SCAPER: variants seen among roughly 807,000 people sequenced by gnomAD.
The protein encoded by SCAPER is S-phase cyclin A associated protein in the ER.
SCAPER carries 98 observed loss-of-function variants against 182.2 expected under a neutral mutation model. The ratio of observed to expected loss-of-function variants is 0.54; its 90% CI spans 0.46 to 0.64. The LOEUF (loss-of-function observed/expected upper bound fraction) is 0.64, where lower values mean the gene tolerates loss of function less well. Among genes scored for constraint, SCAPER ranks in the 30% least tolerant of loss-of-function variants. SCAPER has a pLI of 0.00. For missense variants in SCAPER, 1,432 were observed against 1,690.0 expected (o/e 0.85, Z 2.68); for synonymous variants, 605 against 564.6 (o/e 1.07, Z -1.01).
In SCAPER at chr15:76,682,902, AC is replaced by A. The variant is rs1456596931; in HGVS notation, c.2509-17114del. On this transcript the variant is annotated intron_variant, in intron 20 of 31. Transcript: ENST00000563290. ...ACCAAATAAGATTAAAAACAAAACG[AC>A]CCCATCCAAAGCACAGCAACTTCAA... 2.6e-5 allele frequency among the ~76,000 whole-genome samples: 4 copies of A among 151,988 alleles called. No individual in the cohort carries two copies. In the East Asian group the frequency reaches 7.7e-4, roughly 29 times the overall value.
chr15:76,517,393 AGGCT>A (rs1258902805), intron 23 of SCAPER, among the ~76,000 whole-genome samples: 1 of 148,554 alleles, frequency 6.7e-6, no homozygotes, highest in African/African-American at 2.5e-5. Context: ...TCTGTCACCC[AGGCT>A]GGAGTGCAGT....
chr15:76,368,535 G>A (rs912724839), intron 29 of SCAPER, among the ~76,000 whole-genome samples: 2 of 152,166 alleles, frequency 1.3e-5, no homozygotes, highest in Non-Finnish European at 2.9e-5. Flanking sequence ...CACGAGCTTC[G>A]CTGTCCAACT....
At chr15:76,533,511 C>G (rs563841507) in intron 23 of SCAPER, among the ~76,000 whole-genome samples, 1 of 152,010 alleles carries the variant, frequency 6.6e-6, no homozygotes, top group East Asian at 1.9e-4. Flanking sequence ...ATGTGTGAAG[C>G]AGGCTATACC....
At chr15:76,468,519 G>A (rs567865555) in intron 25 of SCAPER, among the ~76,000 whole-genome samples, 1 of 152,220 alleles carries the variant, frequency 6.6e-6, no homozygotes, top group East Asian at 1.9e-4. Flanking sequence ...AGGGAACTAG[G>A]CTTTCAAAGA....
chr15:76,898,291 A>G (rs1214055935), intron 1 of SCAPER, among the ~76,000 whole-genome samples: 1 of 152,216 alleles, frequency 6.6e-6, no homozygotes, highest in Non-Finnish European at 1.5e-5. Context: ...ATCCTGACAC[A>G]CTGCAGTGGA....
chr15:76,685,328 A>T (rs1293726158), intron 20 of SCAPER, among the ~76,000 whole-genome samples: 1 of 152,082 alleles, frequency 6.6e-6, no homozygotes, highest in East Asian at 1.9e-4. Context: ...GATTTAAAAA[A>T]AAAAAAGTAA....
rs146198209 is a variant in SCAPER, at chr15:76,352,615, G to A, written c.4048-1327C>T. Among the ~76,000 whole-genome samples, 1,251 of 151,640 alleles carry A rather than the reference G, an allele frequency of 8.2e-3. 12 individuals carry two copies. The highest frequency in any genetic ancestry group is 0.029 in the African/African-American group (1,191 of 41,318). On this transcript the variant is annotated intron_variant, in intron 30 of 31. Transcript: ENST00000563290. ...TCCTGCCTCAGCCTCCCGAGTAGCT[G>A]GGATTACAGGTGCCCACAGAGACGG...
chr15:76,348,901 A>G (rs1217100177), intron 31 of SCAPER, 165 bp from the exon 32 acceptor site: 2 of 515,842 alleles, frequency 3.9e-6, no homozygotes, highest in Non-Finnish European at 7.0e-6. Flanking sequence ...TATATGTATC[A>G]ATCTATCTGT....
chr15:76,857,678 T>G, intron 4 of SCAPER, 131 bp downstream of exon 4: 4 of 634,512 alleles, frequency 6.3e-6, no homozygotes, highest in Non-Finnish European at 1.0e-5. Context: ...ACATTTGTTT[T>G]TAAAAAGTAC....
At position 76,699,852 on chromosome 15, in the gene SCAPER, A is replaced by AT. The variant is rs36061994; in HGVS notation, c.2508+1905_2508+1906insA. 8.1e-3 allele frequency among the ~76,000 whole-genome samples: 1,241 copies of AT among 152,314 alleles called. 13 individuals are homozygous for AT. The highest frequency in any genetic ancestry group is 0.028 in the African/African-American group (1,177 of 41,578). On this transcript the variant is annotated intron_variant, in intron 20 of 31. Coordinates refer to ENST00000563290, the MANE Select transcript of SCAPER (RefSeq NM_020843.4). ...CAGTTGCAGCTGGCAGAGTGTGAAC[A>AT]GTATTCGCACACTGGTGATGGCAGG...
intron 25 of SCAPER, among the ~76,000 whole-genome samples, chr15:76,455,437 A>T (rs1413270623): frequency 6.6e-6 from 1 of 152,132 alleles, no homozygotes; most frequent in Non-Finnish European, 1.5e-5. Flanking sequence ...ATTGTATAAT[A>T]CTTCTATTTA....
intron 24 of SCAPER, among the ~76,000 whole-genome samples, chr15:76,497,782 C>T (rs573532911): frequency 1.3e-5 from 2 of 151,584 alleles, no homozygotes; most frequent in East Asian, 1.9e-4. Flanking sequence ...CATGAGGTCA[C>T]GAGATCGAGA....
intron 22 of SCAPER, among the ~76,000 whole-genome samples, chr15:76,592,633 C>T (rs1359296595): frequency 8.1e-6 from 1 of 122,800 alleles, no homozygotes; most frequent in African/African-American, 2.5e-5. Context: ...GCTCATCTCA[C>T]TGGGACTGGT....
intron 17 of SCAPER, among the ~76,000 whole-genome samples, chr15:76,715,458 A>G (rs1279616019): frequency 6.6e-6 from 1 of 152,088 alleles, no homozygotes; most frequent in African/African-American, 2.4e-5. Context: ...GAACTGGACT[A>G]GTCCCCCTAC....
intron 5 of SCAPER, among the ~76,000 whole-genome samples, chr15:76,825,220 C>T (rs1245114396): frequency 6.6e-6 from 1 of 152,136 alleles, no homozygotes; most frequent in Non-Finnish European, 1.5e-5. Context: ...CCAACCTCTT[C>T]ATTTATGAAC....
intron 23 of SCAPER, among the ~76,000 whole-genome samples, chr15:76,535,437 G>A (rs1218638151): frequency 6.8e-6 from 1 of 146,526 alleles, no homozygotes; most frequent in Non-Finnish European, 1.5e-5. Flanking sequence ...CAGGAGAATG[G>A]TGTGAACCCA....
intron 2 of SCAPER, among the ~76,000 whole-genome samples, chr15:76,881,111 T>G (rs2073505831): frequency 6.6e-6 from 1 of 152,228 alleles, no homozygotes; most frequent in Admixed American, 6.5e-5. Context: ...TATTTACTTT[T>G]TGGAGACAGA....
intron 22 of SCAPER, among the ~76,000 whole-genome samples, chr15:76,605,713 T>C (rs2050328349): frequency 6.6e-6 from 1 of 152,352 alleles, no homozygotes; most frequent in Admixed American, 6.5e-5. Flanking sequence ...CTGTTATTAG[T>C]CTATTCAGAG....
intron 14 of SCAPER, among the ~76,000 whole-genome samples, chr15:76,759,605 C>T (rs2062653982): frequency 6.6e-6 from 1 of 152,156 alleles, no homozygotes. Context: ...ATTAAAACAA[C>T]AGCATTGGCC....
Sources: gnomAD v4.1 joint callset for allele counts (sites outside exome capture counted in the v4.1 genomes callset) on GRCh38, gnomAD v4.1.1 for gene constraint, MANE v1.5 for transcripts, NCBI Gene and HGNC (gene_info 2026-07-23, HGNC 2026-07-21) for gene names.